SNX29: variants seen among roughly 807,000 people sequenced by gnomAD.
SNX29 encodes the protein sorting nexin-29.
SNX29 carries 78 observed loss-of-function variants against 102.1 expected under a neutral mutation model. That is an observed-to-expected ratio of 0.76 (90% confidence interval 0.64 to 0.92). The LOEUF is 0.92. Ranked by LOEUF, SNX29 falls within the 40% of genes least tolerant of loss-of-function variation. The pLI is 0.00. For synonymous variants in SNX29, 580 were observed against 414.5 expected (o/e 1.40, Z -4.85); for missense variants, 1,280 against 1,061.7 (o/e 1.21, Z -2.86).
chr16:11,982,902 C>T (rs1416904312), intron 1 of SNX29, among the ~76,000 whole-genome samples: 1 of 152,004 alleles, frequency 6.6e-6, no homozygotes, highest in Non-Finnish European at 1.5e-5. Context: ...TATATTTTGG[C>T]AGCTTTTTAT....
chr16:12,465,853 T>C (rs1007569279), intron 18 of SNX29, among the ~76,000 whole-genome samples: 2 of 151,996 alleles, frequency 1.3e-5, no homozygotes, highest in Non-Finnish European at 2.9e-5. Flanking sequence ...TTTTTTTCAG[T>C]TTATTTCATC....
intron 13 of SNX29, among the ~76,000 whole-genome samples, chr16:12,179,040 A>C (rs759825971): frequency 6.6e-6 from 1 of 152,196 alleles, no homozygotes; most frequent in Non-Finnish European, 1.5e-5. Flanking sequence ...ACTGAGTTTG[A>C]ATGGGAAATT....
At chr16:12,543,235 T>G (rs2077424401) in intron 20 of SNX29, among the ~76,000 whole-genome samples, 1 of 152,228 alleles carries the variant, frequency 6.6e-6, no homozygotes, top group Non-Finnish European at 1.5e-5. Context: ...GCGGAAATTC[T>G]AGAGATTCTG....
intron 14 of SNX29, among the ~76,000 whole-genome samples, chr16:12,245,713 T>C (rs932370152): frequency 2.6e-5 from 4 of 152,156 alleles, no homozygotes; most frequent in African/African-American, 9.7e-5. Context: ...AACAAGGATT[T>C]TTCCTGCAGG....
At position 12,078,858 on chromosome 16, in the gene SNX29, G is replaced by C; in HGVS notation, c.1345G>C (p.Gly449Arg). Reference sequence around the variant, plus strand: ...TGTGGAAGCCAGCTCTCCAGGCCACGGAAGTCCTCTGAGCAGCCTGTTACC... The same window carrying C: ...TGTGGAAGCCAGCTCTCCAGGCCACCGAAGTCCTCTGAGCAGCCTGTTACC... ...YSVEASSPGH[G>R]SPLSSLLPSA... is the part of the protein sequence containing the mutation. The change falls in exon 11 of 21, where the codon GGA becomes CGA. Residue 449 changes from glycine (G) to arginine (R), a missense_variant. Physicochemically the swap from Gly to Arg is moderately radical, Grantham distance 125 (BLOSUM62 -2). Transcript: ENST00000566228. 6.2e-7 allele frequency: 1 copy of C among 1,606,476 alleles called. No homozygotes were observed.
intron 20 of SNX29, among the ~76,000 whole-genome samples, chr16:12,565,536 G>T (rs565416289): frequency 1.3e-5 from 2 of 152,076 alleles, no homozygotes; most frequent in East Asian, 3.9e-4. Context: ...ATGGCCTCGA[G>T]GATTGAACCA....
intron 20 of SNX29, among the ~76,000 whole-genome samples, chr16:12,560,457 G>A (rs1352972355): frequency 6.6e-6 from 1 of 152,136 alleles, no homozygotes; most frequent in African/African-American, 2.4e-5. Flanking sequence ...AGTCTTTTGG[G>A]TTCTTGCCTG....
At chr16:12,242,666 T>G (rs1026912060) in intron 14 of SNX29, among the ~76,000 whole-genome samples, 2 of 151,624 alleles carry the variant, frequency 1.3e-5, no homozygotes, top group Non-Finnish European at 1.5e-5. Flanking sequence ...TTCTCTTTTT[T>G]TTTTTGAGGC....
chr16:12,404,501 C>T (rs1477070359), intron 18 of SNX29, among the ~76,000 whole-genome samples: 1 of 152,128 alleles, frequency 6.6e-6, no homozygotes, highest in African/African-American at 2.4e-5. Flanking sequence ...GCCCCAGCTG[C>T]TTCCTGCTTC....
chr16:12,444,308 C>T (rs1016615197), intron 18 of SNX29, among the ~76,000 whole-genome samples: 4 of 49,358 alleles, frequency 8.1e-5, no homozygotes, highest in African/African-American at 4.0e-4. Flanking sequence ...CTCAGTATAG[C>T]ACCTAGCATG....
intron 20 of SNX29, among the ~76,000 whole-genome samples, chr16:12,530,213 C>G (rs987320779): frequency 9.2e-5 from 14 of 152,196 alleles, no homozygotes; most frequent in Non-Finnish European, 4.4e-5. Context: ...TAGTCTTTGG[C>G]TCTTCCACTG....
In SNX29 at chr16:12,217,996, C is replaced by CCCACCTTT. The variant is rs1310188232; in HGVS notation, c.1678+18314_1678+18321dup. On this transcript the variant is annotated intron_variant, in intron 14 of 20. Coordinates refer to ENST00000566228, the MANE Select transcript of SNX29 (RefSeq NM_032167.5). ...TTTCCCATGACTTGTTATCACTTTT[C>CCCACCTTT]CCACCTTTTGGGGACAATTTTTAGC... Among the ~76,000 whole-genome samples, 5 of 152,306 alleles carry CCCACCTTT rather than the reference C, an allele frequency of 3.3e-5. 1 individual carries two copies. The highest frequency in any genetic ancestry group is 1.2e-4 in the African/African-American group (5 of 41,570).
chr16:12,441,629 A>G (rs1469885883), intron 18 of SNX29, among the ~76,000 whole-genome samples: 1 of 152,174 alleles, frequency 6.6e-6, no homozygotes, highest in South Asian at 2.1e-4. Context: ...TAATGTCGGT[A>G]AAGTCCAATT....
intron 14 of SNX29, among the ~76,000 whole-genome samples, chr16:12,262,753 T>C (rs907826215): frequency 3.9e-5 from 6 of 152,246 alleles, no homozygotes; most frequent in African/African-American, 1.4e-4. Flanking sequence ...TTGAATTGTT[T>C]TAATGCAGAT....
chr16:12,197,416 A>C (rs9927138), intron 13 of SNX29, among the ~76,000 whole-genome samples: 151,742 of 152,080 alleles, frequency 1, 75,702 homozygotes, highest in Middle Eastern at 1. Context: ...ACTAAAAATA[A>C]AAAAATTAGC....
intron 15 of SNX29, among the ~76,000 whole-genome samples, chr16:12,323,563 A>G (rs2081028786): frequency 6.6e-6 from 1 of 152,004 alleles, no homozygotes. Context: ...GCAAAGGCAG[A>G]TGAGCCTCGA....
intron 15 of SNX29, among the ~76,000 whole-genome samples, chr16:12,324,158 G>T (rs1379703866): frequency 1.3e-5 from 2 of 151,764 alleles, no homozygotes; most frequent in East Asian, 3.9e-4. Flanking sequence ...GCATTTTTGG[G>T]GGTCATTCCA....
Position 12,572,013 on chromosome 16 carries a change from G to A in SNX29, c.*3384G>A. 2 of 1,062,468 alleles carry A rather than the reference G, an allele frequency of 1.9e-6. No homozygotes were observed. Among genetic ancestry groups the A allele is most frequent in the Non-Finnish European group, 2.3e-6 (2 of 877,476 alleles). 65.8% of individuals were successfully genotyped at this position (1,062,468 alleles called of 1,614,324 possible). On this transcript the variant is annotated 3_prime_UTR_variant, in exon 21 of 21. Transcript: ENST00000566228. ...AGTCACCAGTTGCATCTAGGGAGCT[G>A]CTGGCTATAAAAGGGATCATCCAGT...
At chr16:12,031,556 C>T (rs1216513287) in intron 4 of SNX29, among the ~76,000 whole-genome samples, 2 of 151,882 alleles carry the variant, frequency 1.3e-5, no homozygotes, top group African/African-American at 2.4e-5. Flanking sequence ...CCTGTAATCC[C>T]AGCACTTTGG....
Sources: gnomAD v4.1 joint callset for allele counts (sites outside exome capture counted in the v4.1 genomes callset) on GRCh38, gnomAD v4.1.1 for gene constraint, MANE v1.5 for transcripts, NCBI Gene and HGNC (gene_info 2026-07-23, HGNC 2026-07-21) for gene names.